TRPC5: variants seen among roughly 807,000 people sequenced by gnomAD.
TRPC5 encodes transient receptor potential cation channel subfamily C member 5, also known as short transient receptor potential channel 5.
A neutral mutation model predicts 56.5 loss-of-function variants in TRPC5; 9 were observed. That is an observed-to-expected ratio of 0.16 (90% CI 0.10 to 0.28). The LOEUF is 0.28. Ranked by LOEUF, TRPC5 falls within the 10% of genes least tolerant of loss-of-function variation. The pLI, the probability that TRPC5 is intolerant of heterozygous loss-of-function variation, is 1.00. For synonymous variants in TRPC5, 282 were observed against 278.5 expected (o/e 1.01, Z -0.13); for missense variants, 469 against 748.9 (o/e 0.63, Z 4.36).
chrX:111,967,610 G>C (rs907783784), intron 1 of TRPC5, among the ~76,000 whole-genome samples: 56 of 111,731 alleles, frequency 5.0e-4, no homozygotes, highest in African/African-American at 1.8e-3. Context: ...GCATGGTACT[G>C]GTACCAAAAC....
intron 1 of TRPC5, among the ~76,000 whole-genome samples, chrX:111,978,633 G>C (rs1927993923): frequency 1.8e-5 from 2 of 111,160 alleles, no homozygotes; most frequent in Admixed American, 1.9e-4. Context: ...CCCAATTTCA[G>C]TCTTACAAGA....
rs778002163 is a variant in TRPC5 at position 111,847,274 on chromosome X, G to A, written c.1540C>T (p.Leu514=). Residue 514 remains leucine, a synonymous_variant, in exon 6 of 11, where the codon CTG becomes TTG. Transcript: ENST00000262839. ...AAGAGGAATTTGAGGATATCAAGCA[G>A]CATGCGTCCCAAAGAGATCTGCAGA... ...GPLQISLGRM[L]LDILKFLFIY... The A allele has an allele frequency of 8.3e-7, 1 of 1,211,250 alleles. No homozygotes were observed. The highest frequency in any genetic ancestry group is 1.8e-5 in the South Asian group (1 of 56,925).
chrX:111,981,538 C>T (rs1928082331), intron 1 of TRPC5, among the ~76,000 whole-genome samples: 1 of 111,770 alleles, frequency 8.9e-6, no homozygotes, highest in Non-Finnish European at 1.9e-5. Context: ...AATTAAGCAT[C>T]ACATGTCCAC....
intron 1 of TRPC5, among the ~76,000 whole-genome samples, chrX:111,953,457 G>A (rs1175132614): frequency 8.9e-6 from 1 of 112,019 alleles, no homozygotes; most frequent in Non-Finnish European, 1.9e-5. Context: ...TTGCCTCATA[G>A]TTTACAGGTA....
At chrX:112,065,038 C>T (rs1340334847) in intron 1 of TRPC5, among the ~76,000 whole-genome samples, 5 of 100,502 alleles carry the variant, frequency 5.0e-5, no homozygotes, top group African/African-American at 1.9e-4. Flanking sequence ...CGCACCACTG[C>T]AGTGTACTCC....
rs374179588 is a variant in TRPC5 at position 111,787,952 on chromosome X, A to C, written c.1897-5814T>G. 8.0e-5 allele frequency among the ~76,000 whole-genome samples: 9 copies of C among 112,110 alleles called. No homozygotes were observed. In the East Asian group the frequency reaches 2.2e-3, roughly 28 times the overall value. ...TACCAATCAAAAAAAGTCCAGTACC[A>C]GATGGATTTACAGCCGAATTCTACC... On this transcript the variant is annotated intron_variant, in intron 7 of 10. Coordinates refer to ENST00000262839, the MANE Select transcript of TRPC5 (RefSeq NM_012471.3).
At chrX:111,832,758 T>C (rs887063679) in intron 7 of TRPC5, among the ~76,000 whole-genome samples, 2 of 111,383 alleles carry the variant, frequency 1.8e-5, no homozygotes, top group South Asian at 3.8e-4. Context: ...CCCAAGCCAA[T>C]GTGTTTTCTT....
chrX:112,032,210 A>G (rs1306011361), intron 1 of TRPC5, among the ~76,000 whole-genome samples: 1 of 111,158 alleles, frequency 9.0e-6, no homozygotes, highest in East Asian at 2.8e-4. Flanking sequence ...ACCTCACTCC[A>G]GTCAGAATGG....
chrX:111,778,872 G>A, intron 10 of TRPC5, 113 bp downstream of exon 10: 1 of 466,858 alleles, frequency 2.1e-6, no homozygotes, highest in Non-Finnish European at 3.5e-6. Flanking sequence ...ATTATAACTG[G>A]CTTTGCTATA....
At chrX:111,988,336 GA>G (rs11352252) in intron 1 of TRPC5, among the ~76,000 whole-genome samples, 3,361 of 111,179 alleles carry the variant, frequency 0.03, 129 homozygotes, top group African/African-American at 0.1. Flanking sequence ...GTCAGTTGGT[GA>G]AAAAAACTGT....
intron 1 of TRPC5, among the ~76,000 whole-genome samples, chrX:112,008,599 C>CAAAAAAAAAAAAAAAAAAAAAAA (rs771663324): frequency 1.4e-5 from 1 of 74,042 alleles, no homozygotes; most frequent in African/African-American, 4.5e-5. Flanking sequence ...GACTCTGTCT[C>CAAAAAAAAAAAAAAAAAAAAAAA]AAAAAAAAAA....
chrX:111,818,095 T>C (rs766564245), intron 7 of TRPC5, among the ~76,000 whole-genome samples: 2 of 111,390 alleles, frequency 1.8e-5, no homozygotes, highest in South Asian at 7.7e-4. Flanking sequence ...CCCAGTAAAA[T>C]TGCAACTCAA....
intron 7 of TRPC5, among the ~76,000 whole-genome samples, chrX:111,799,944 T>C (rs1199390333): frequency 8.9e-6 from 1 of 111,831 alleles, no homozygotes; most frequent in Non-Finnish European, 1.9e-5. Context: ...GAAAACAAAT[T>C]AACATTAGAC....
intron 3 of TRPC5, among the ~76,000 whole-genome samples, chrX:111,880,087 C>CA (rs1924138970): frequency 9.7e-6 from 1 of 103,300 alleles, no homozygotes; most frequent in Admixed American, 1.0e-4. Context: ...TTTGTTGCTG[C>CA]TTTTTTTTTT....
intron 7 of TRPC5, among the ~76,000 whole-genome samples, chrX:111,830,286 T>C (rs984575838): frequency 4.4e-5 from 5 of 112,481 alleles, no homozygotes; most frequent in Non-Finnish European, 9.4e-5. Context: ...TAACTTGTTT[T>C]TTATTTTACA....
intron 3 of TRPC5, among the ~76,000 whole-genome samples, chrX:111,885,433 A>C (rs1924435959): frequency 9.0e-6 from 1 of 110,985 alleles, no homozygotes; most frequent in African/African-American, 3.3e-5. Flanking sequence ...AGAGTGCCCA[A>C]CTCATCCTAG....
chrX:111,774,851 G>A lies in TRPC5; in HGVS notation c.*1462C>T, dbSNP rs1945865769. 1 of 109,645 alleles carries A rather than the reference G, an allele frequency of 9.1e-6. No individual in the cohort carries two copies. The highest frequency in any genetic ancestry group is 1.9e-5 in the Non-Finnish European group (1 of 52,592). 9.0% of individuals were successfully genotyped at this position (109,645 alleles called of 1,213,427 possible). A position where few individuals can be genotyped will look rare whatever the true frequency, so the allele number is the denominator to read the frequency against. On this transcript the variant is annotated 3_prime_UTR_variant, in exon 11 of 11. Transcript: ENST00000262839. ...GCGTGACACCTATTTTACTTTTCTG[G>A]GCTACACACTATTTATGTAATCTCT...
chrX:111,971,005 C>G (rs1281860401), intron 1 of TRPC5, among the ~76,000 whole-genome samples: 1 of 110,741 alleles, frequency 9.0e-6, no homozygotes, highest in Non-Finnish European at 1.9e-5. Flanking sequence ...GTCTCGATCT[C>G]CTGACCTCGT....
In TRPC5 at chrX:112,051,767, A is replaced by G. The variant is rs189112104; in HGVS notation, c.-22+30112T>C. Among the ~76,000 whole-genome samples, 366 of 111,866 alleles carry G rather than the reference A, an allele frequency of 3.3e-3. 1 individual carries two copies. Among genetic ancestry groups the G allele is most frequent in the African/African-American group, 0.011 (353 of 30,755 alleles). On this transcript the variant is annotated intron_variant, in intron 1 of 10. Coordinates refer to ENST00000262839, the MANE Select transcript of TRPC5 (RefSeq NM_012471.3). ...TTGCAAAACTGAAACTACACCCATT[A>G]AACAACCTCCCATTTCCCCACCCCT...
Sources: gnomAD v4.1 joint callset for allele counts (sites outside exome capture counted in the v4.1 genomes callset) on GRCh38, gnomAD v4.1.1 for gene constraint, MANE v1.5 for transcripts, NCBI Gene and HGNC (gene_info 2026-07-23, HGNC 2026-07-21) for gene names.